The following MAST4 variants were observed in gnomAD, a reference collection of about 807,000 sequenced individuals.
MAST4 encodes the protein microtubule-associated serine/threonine-protein kinase 4.
A neutral mutation model predicts 162.7 loss-of-function variants in MAST4; 89 were observed. The observed-to-expected ratio is 0.55, with a 90% CI of 0.46 to 0.65. The LOEUF (loss-of-function observed/expected upper bound fraction) is 0.65. MAST4 is among the 30% of genes least tolerant of loss of function. The probability of loss-of-function intolerance (pLI) is 0.00; values close to 1 mark genes in which losing one functional copy is unlikely to be tolerated. For synonymous variants in MAST4, 1,479 were observed against 1,361.1 expected (o/e 1.09, Z -1.91); for missense variants, 3,153 against 3,374.0 (o/e 0.93, Z 1.62).
chr5:67,161,909 T>C (rs1369348191), intron 27 of MAST4, among the ~76,000 whole-genome samples: 1 of 152,232 alleles, frequency 6.6e-6, no homozygotes, highest in Non-Finnish European at 1.5e-5. Context: ...TAGGCTTATA[T>C]GGTAAAAGAA....
intron 4 of MAST4, among the ~76,000 whole-genome samples, chr5:66,925,001 A>C (rs1764792026): frequency 6.6e-6 from 1 of 152,222 alleles, no homozygotes; most frequent in Non-Finnish European, 1.5e-5. Flanking sequence ...ATATTATAGA[A>C]AAATACAGAA....
intron 5 of MAST4, among the ~76,000 whole-genome samples, chr5:67,065,473 G>A (rs914431180): frequency 1.1e-4 from 17 of 152,064 alleles, no homozygotes; most frequent in Non-Finnish European, 2.1e-4. Context: ...TGTGTCACAG[G>A]CAAACTAACT....
intron 4 of MAST4, among the ~76,000 whole-genome samples, chr5:66,914,417 G>T (rs1456738480): frequency 6.6e-6 from 1 of 152,214 alleles, no homozygotes; most frequent in East Asian, 1.9e-4. Flanking sequence ...TCAGAGAAGT[G>T]CAAGGGACGT....
At chr5:66,916,839 C>G in intron 4 of MAST4, 1 of 576,274 alleles carries the variant, frequency 1.7e-6, no homozygotes, top group South Asian at 2.5e-5. Flanking sequence ...ATAGATATAC[C>G]ACATTTTATT....
intron 1 of MAST4, among the ~76,000 whole-genome samples, chr5:66,731,901 G>A (rs966969880): frequency 4.6e-5 from 7 of 152,002 alleles, no homozygotes; most frequent in African/African-American, 1.7e-4. Flanking sequence ...CTCCCCACAA[G>A]TAAGAACCCC....
At chr5:66,907,839 GA>G (rs760708603) in intron 4 of MAST4, among the ~76,000 whole-genome samples, 69 of 152,082 alleles carry the variant, frequency 4.5e-4, no homozygotes, top group Non-Finnish European at 8.5e-4. Flanking sequence ...GAAAGAGAGG[GA>G]AAGAGTTTAA....
At chr5:66,822,555 A>G (rs1048664748) in intron 3 of MAST4, among the ~76,000 whole-genome samples, 10 of 152,324 alleles carry the variant, frequency 6.6e-5, no homozygotes, top group Non-Finnish European at 8.8e-5. Flanking sequence ...GCCCAGAGAC[A>G]TTTAAGAGGA....
chr5:66,802,969 A>T (rs1250055311), intron 3 of MAST4, among the ~76,000 whole-genome samples: 1 of 152,158 alleles, frequency 6.6e-6, no homozygotes, highest in African/African-American at 2.4e-5. Flanking sequence ...ACTGTTCTTC[A>T]AAACTCAGCA....
chr5:67,066,579 A>G (rs998575148), intron 5 of MAST4, among the ~76,000 whole-genome samples: 2 of 152,152 alleles, frequency 1.3e-5, no homozygotes, highest in South Asian at 2.1e-4. Context: ...CAAAAGATAC[A>G]AAATATTCTA....
chr5:66,991,888 T>A (rs1750100567), intron 4 of MAST4, among the ~76,000 whole-genome samples: 1 of 152,146 alleles, frequency 6.6e-6, no homozygotes, highest in Admixed American at 6.6e-5. Context: ...GCCTTCCTGC[T>A]TTTTTCTGTG....
intron 16 of MAST4, 72 bp from the exon 17 acceptor site, chr5:67,133,442 G>A: frequency 2.0e-6 from 3 of 1,520,374 alleles, no homozygotes; most frequent in Non-Finnish European, 2.7e-6. Flanking sequence ...ACTGAGGGGG[G>A]AAGGGAGGAA....
intron 1 of MAST4, among the ~76,000 whole-genome samples, chr5:66,669,243 C>A (rs550667589): frequency 2.6e-5 from 4 of 152,026 alleles, no homozygotes; most frequent in African/African-American, 9.7e-5. Flanking sequence ...TGCTCTGGGG[C>A]GGGGATGCTG....
chr5:66,703,070 C>T (rs1301007300), intron 1 of MAST4, among the ~76,000 whole-genome samples: 2 of 152,146 alleles, frequency 1.3e-5, no homozygotes, highest in African/African-American at 4.8e-5. Context: ...ATCCTTGTGG[C>T]TCCCCTCCCC....
intron 1 of MAST4, among the ~76,000 whole-genome samples, chr5:66,693,040 A>G (rs1456427525): frequency 1.3e-5 from 2 of 150,600 alleles, no homozygotes; most frequent in Non-Finnish European, 2.9e-5. Flanking sequence ...GTAACAATGA[A>G]TATCCACAAT....
At chr5:66,891,859 G>A (rs1425861319) in intron 3 of MAST4, among the ~76,000 whole-genome samples, 4 of 152,204 alleles carry the variant, frequency 2.6e-5, no homozygotes, top group African/African-American at 7.2e-5. Context: ...AAAGAGACTC[G>A]ATTGGCTCAT....
intron 4 of MAST4, among the ~76,000 whole-genome samples, chr5:67,010,741 G>A (rs1037433053): frequency 4.6e-5 from 7 of 152,122 alleles, no homozygotes; most frequent in Admixed American, 2.0e-4. Context: ...GAGGAAAATG[G>A]TCAACACCCC....
intron 11 of MAST4, among the ~76,000 whole-genome samples, chr5:67,111,001 G>C (rs1218965510): frequency 6.6e-6 from 1 of 152,122 alleles, no homozygotes; most frequent in Non-Finnish European, 1.5e-5. Context: ...TCCAGCCTGA[G>C]TGACAGAATG....
chr5:67,043,068 G>A (rs1756960624), intron 4 of MAST4, among the ~76,000 whole-genome samples: 1 of 152,158 alleles, frequency 6.6e-6, no homozygotes, highest in African/African-American at 2.4e-5. Context: ...AAGGAGATTT[G>A]GTGGTCACGG....
chr5:66,818,528 A>G (rs1756839024), intron 3 of MAST4, among the ~76,000 whole-genome samples: 1 of 152,144 alleles, frequency 6.6e-6, no homozygotes, highest in Non-Finnish European at 1.5e-5. Flanking sequence ...AAATACAAAT[A>G]CTGTGTCCTC....
Sources: gnomAD v4.1 joint callset for allele counts (sites outside exome capture counted in the v4.1 genomes callset) on GRCh38, gnomAD v4.1.1 for gene constraint, MANE v1.5 for transcripts, NCBI Gene and HGNC (gene_info 2026-07-23, HGNC 2026-07-21) for gene names.